Variants in PLAAT3 observed in about 807,000 individuals in gnomAD.
PLAAT3 encodes the protein Ca-independent phospholipase A1/2.
In PLAAT3, 21 loss-of-function variants were observed where a neutral mutation model predicts 16.7. The ratio of observed to expected loss-of-function variants is 1.26; its 90% CI spans 0.89 to 1.81. PLAAT3 has a LOEUF of 1.81. Among genes scored for constraint, PLAAT3 ranks in the 40% most tolerant of loss-of-function variants. PLAAT3 has a pLI of 0.00. For synonymous variants in PLAAT3, 76 were observed against 81.7 expected (o/e 0.93, Z 0.38); for missense variants, 219 against 213.7 (o/e 1.02, Z -0.16).
At chr11:63,583,856 AC>A (rs895482572) in intron 4 of PLAAT3, among the ~76,000 whole-genome samples, 2 of 152,152 alleles carry the variant, frequency 1.3e-5, no homozygotes, top group African/African-American at 4.8e-5. Context: ...AGACATTTAT[AC>A]TACAAAGCTC....
intron 2 of PLAAT3, among the ~76,000 whole-genome samples, chr11:63,605,569 T>A (rs1420167314): frequency 6.6e-6 from 1 of 152,028 alleles, no homozygotes; most frequent in Non-Finnish European, 1.5e-5. Flanking sequence ...GTTTTTGTTT[T>A]TGAGACGGAG....
At chr11:63,576,165 A>G (rs528888397) in intron 4 of PLAAT3, among the ~76,000 whole-genome samples, 34 of 152,320 alleles carry the variant, frequency 2.2e-4, no homozygotes, top group African/African-American at 7.7e-4. Flanking sequence ...AAAGATACCA[A>G]TACTGGGAAT....
chr11:63,601,968 G>A (rs1166267645), intron 2 of PLAAT3, among the ~76,000 whole-genome samples: 3 of 91,402 alleles, frequency 3.3e-5, no homozygotes, highest in African/African-American at 4.3e-5. Context: ...TGACAAGAGC[G>A]AAACTCTGTC....
At position 63,604,075 on chromosome 11, in the gene PLAAT3, C is replaced by T. The variant is rs113448295; in HGVS notation, c.16-5912G>A. ...GCTGAGGCAAGAGAATCACTTGAACCTGGGAGGTGGAGGTTGCAGTGAGCT... is the reference window on the plus strand; with the variant it reads ...GCTGAGGCAAGAGAATCACTTGAACTTGGGAGGTGGAGGTTGCAGTGAGCT... On this transcript the variant is annotated intron_variant, in intron 2 of 4. Transcript: ENST00000415826. Among the ~76,000 whole-genome samples the T allele has an allele frequency of 7.6e-3, 1,160 of 152,318 alleles. 12 individuals carry two copies. Among genetic ancestry groups the T allele is most frequent in the African/African-American group, 0.026 (1,083 of 41,562 alleles).
upstream of PLAAT3, among the ~76,000 whole-genome samples, chr11:63,615,826 C>T (rs1938860103): frequency 6.6e-6 from 1 of 151,944 alleles, no homozygotes; most frequent in Non-Finnish European, 1.5e-5. Flanking sequence ...CACCACCGCG[C>T]CCAGCTAATT....
chr11:63,590,286 A>G lies in PLAAT3; in HGVS notation c.201T>C (p.Asp67=), dbSNP rs1176579957. 2 of 1,614,178 alleles carry G rather than the reference A, an allele frequency of 1.2e-6. No individual in the cohort carries two copies. The highest frequency in any genetic ancestry group is 1.7e-6 in the Non-Finnish European group (2 of 1,180,000). Residue 67 remains aspartate, a synonymous_variant, in exon 4 of 5, where the codon GAT becomes GAC. Coordinates refer to ENST00000415826, the MANE Select transcript of PLAAT3 (RefSeq NM_001128203.2). ...KAIVKKELLY[D]VAGSDKYQVN... Reference sequence around the variant, plus strand: ...CCTGGTACTTGTCACTCCCGGCCACATCATACAGCAATTCCTTCTTCACGA... The same window carrying G: ...CCTGGTACTTGTCACTCCCGGCCACGTCATACAGCAATTCCTTCTTCACGA...
chr11:63,598,577 A>G, intron 2 of PLAAT3: 1 of 390,972 alleles, frequency 2.6e-6, no homozygotes, highest in Non-Finnish European at 5.1e-6. Flanking sequence ...CTAGAAATGT[A>G]AAAGAATTTG....
At chr11:63,577,748 G>C (rs1339891832) in intron 4 of PLAAT3, among the ~76,000 whole-genome samples, 2 of 152,138 alleles carry the variant, frequency 1.3e-5, no homozygotes, top group African/African-American at 4.8e-5. Flanking sequence ...TCTTGGCTAA[G>C]ATCGAGTGTA....
intron 1 of PLAAT3, 101 bp from the exon 2 acceptor site, chr11:63,614,169 C>A: frequency 1.0e-6 from 1 of 982,308 alleles, no homozygotes; most frequent in Non-Finnish European, 1.6e-6. Flanking sequence ...GAGAGGCGCG[C>A]CTCGGACCCC....
chr11:63,603,160 T>C (rs1263336446), intron 2 of PLAAT3, among the ~76,000 whole-genome samples: 1 of 152,156 alleles, frequency 6.6e-6, no homozygotes, highest in East Asian at 1.9e-4. Context: ...CCAACCCCTA[T>C]TGTAAAAGAA....
In PLAAT3 at chr11:63,587,713, C is replaced by A. The variant is rs530655009; in HGVS notation, c.387+2387G>T. Among the ~76,000 whole-genome samples, 4 of 151,976 alleles carry A rather than the reference C, an allele frequency of 2.6e-5. No individual in the cohort carries two copies. The East Asian group carries it at 5.8e-4, about 22-fold the overall frequency. ...GGGATTACAGGCGCATGTCACCATGCCTGCCTAGGGATCTTTTTAAAATGT... is the reference window on the plus strand; with the variant it reads ...GGGATTACAGGCGCATGTCACCATGACTGCCTAGGGATCTTTTTAAAATGT... On this transcript the variant is annotated intron_variant, in intron 4 of 4. Transcript: ENST00000415826.
intron 4 of PLAAT3, among the ~76,000 whole-genome samples, chr11:63,589,758 C>T (rs1425246158): frequency 6.6e-6 from 1 of 152,152 alleles, no homozygotes; most frequent in Non-Finnish European, 1.5e-5. Context: ...AGCTCAGTTT[C>T]CCAATCTGTA....
intron 1 of PLAAT3, 75 bp downstream of exon 1, chr11:63,614,310 C>T: frequency 2.2e-6 from 1 of 455,302 alleles, no homozygotes. Context: ...ATCTCTTCCT[C>T]GCGGAAGGGG....
At chr11:63,603,032 G>T (rs1938468864) in intron 2 of PLAAT3, among the ~76,000 whole-genome samples, 1 of 152,240 alleles carries the variant, frequency 6.6e-6, no homozygotes, top group Non-Finnish European at 1.5e-5. Flanking sequence ...GGCGGAGGTT[G>T]CAGTGAGCTG....
intron 4 of PLAAT3, among the ~76,000 whole-genome samples, chr11:63,578,828 TA>T (rs1937701836): frequency 6.6e-6 from 1 of 151,402 alleles, no homozygotes; most frequent in East Asian, 1.9e-4. Context: ...ACTTCATGTC[TA>T]AAACACCAAA....
At chr11:63,606,193 T>G (rs1938554169) in intron 2 of PLAAT3, among the ~76,000 whole-genome samples, 1 of 152,142 alleles carries the variant, frequency 6.6e-6, no homozygotes, top group South Asian at 2.1e-4. Flanking sequence ...ACCCATACAC[T>G]GGCTGAGCTG....
At chr11:63,584,402 CT>C (rs1415801553) in intron 4 of PLAAT3, among the ~76,000 whole-genome samples, 1 of 149,150 alleles carries the variant, frequency 6.7e-6, no homozygotes, top group Non-Finnish European at 1.5e-5. Context: ...GTAGGAGAAT[CT>C]TTTTTTTAGA....
chr11:63,590,465 C>T lies in PLAAT3; in HGVS notation c.119-97G>A, dbSNP rs142466723. The T allele has an allele frequency of 1.0e-4, 109 of 1,046,116 alleles. 1 individual carries two copies. In the African/African-American group the frequency reaches 1.6e-3, roughly 15 times the overall value. 64.8% of individuals were successfully genotyped at this position (1,046,116 alleles called of 1,614,324 possible). A position where few individuals can be genotyped will look rare whatever the true frequency, so the allele number is the denominator to read the frequency against. ...AGCCGGGCATCTGCCCTTGGCTCAT[C>T]CACAAAGGATAAGCAACAAGTGGAA... is the stretch of plus-strand genomic sequence containing the variant. On this transcript the variant is annotated intron_variant, in intron 3 of 4. Transcript: ENST00000415826.
intron 2 of PLAAT3, among the ~76,000 whole-genome samples, chr11:63,601,419 G>C (rs1206890384): frequency 6.8e-6 from 1 of 147,002 alleles, no homozygotes; most frequent in Non-Finnish European, 1.5e-5. Context: ...TTGACATTCA[G>C]CCAATCTGCC....
Sources: allele counts gnomAD v4.1 joint callset (sites outside exome capture counted in the v4.1 genomes callset), GRCh38; gene constraint gnomAD v4.1.1; transcripts MANE v1.5; gene names NCBI Gene and HGNC (gene_info 2026-07-23, HGNC 2026-07-21).